Variants in PIWIL2 observed in about 807,000 individuals in gnomAD.
PIWIL2 encodes piwi like RNA-mediated gene silencing 2.
PIWIL2 carries 81 observed loss-of-function variants against 116.5 expected under a neutral mutation model. The observed-to-expected ratio is 0.70, with a 90% CI of 0.58 to 0.84. The LOEUF (loss-of-function observed/expected upper bound fraction) is 0.84. Among genes scored for constraint, PIWIL2 ranks in the 40% least tolerant of loss-of-function variants. The pLI is 0.00. For missense variants in PIWIL2, 1,272 were observed against 1,212.3 expected (o/e 1.05, Z -0.73); for synonymous variants, 489 against 429.5 (o/e 1.14, Z -1.71).
chr8:22,294,469 G>A (rs201924369), intron 10 of PIWIL2, among the ~76,000 whole-genome samples: 10 of 150,356 alleles, frequency 6.7e-5, no homozygotes, highest in East Asian at 2.0e-4. Context: ...GTGAAACCCC[G>A]TCTCTACTAA....
chr8:22,300,744 G>A (rs1321724939), intron 10 of PIWIL2, among the ~76,000 whole-genome samples: 2 of 152,114 alleles, frequency 1.3e-5, no homozygotes, highest in African/African-American at 4.8e-5. Flanking sequence ...TTTTCCTAGT[G>A]AATAATGATG....
intron 5 of PIWIL2, among the ~76,000 whole-genome samples, chr8:22,283,754 A>T (rs1178415747): frequency 6.6e-6 from 1 of 152,216 alleles, no homozygotes; most frequent in Non-Finnish European, 1.5e-5. Flanking sequence ...CAGTGGACAT[A>T]TAGCATGCAA....
chr8:22,313,696 G>A lies in PIWIL2; in HGVS notation c.1990-632G>A, dbSNP rs182640231. Among the ~76,000 whole-genome samples, 3 of 152,166 alleles carry A rather than the reference G, an allele frequency of 2.0e-5. No homozygotes were observed. In the East Asian group the frequency reaches 5.8e-4, roughly 29 times the overall value. The stretch of plus-strand genomic sequence containing the variant: ...GGCAACCTTCTTTCACTTGAGTGCT[G>A]CTTTTCTTTATTCAGGCTTTGAAAG... On this transcript the variant is annotated intron_variant, in intron 16 of 22. Coordinates refer to ENST00000356766, the MANE Select transcript of PIWIL2 (RefSeq NM_018068.5).
rs1168661333 is a variant in PIWIL2, at chr8:22,316,341, C to G, written c.2297+8C>G. 2 of 1,537,158 alleles carry G rather than the reference C, an allele frequency of 1.3e-6. No individual in the cohort carries two copies. The highest frequency in any genetic ancestry group is 1.8e-6 in the Non-Finnish European group (2 of 1,109,528). ...CGTGGCAAGCATCAATCTGTAAGTA[C>G]TGCTCACAGTGCCATCTTGTTTGAT... is the stretch of plus-strand genomic sequence containing the variant. On this transcript the variant is annotated splice_region_variant and intron_variant, in intron 19 of 22. Coordinates refer to ENST00000356766, the MANE Select transcript of PIWIL2 (RefSeq NM_018068.5).
chr8:22,277,933 C>A (rs148120593), intron 1 of PIWIL2, among the ~76,000 whole-genome samples: 2 of 152,064 alleles, frequency 1.3e-5, no homozygotes, highest in Admixed American at 6.5e-5. Context: ...CTTTGGGAGG[C>A]CCAGGTGGGC....
chr8:22,354,290 G>A lies in PIWIL2; in HGVS notation c.2677G>A (p.Ala893Thr). The change falls in exon 22 of 23, where the codon GCC becomes ACC. Residue 893 changes from alanine to threonine, a missense_variant. By Grantham distance (58) the Ala-to-Thr change is moderately conservative. Coordinates refer to ENST00000356766, the MANE Select transcript of PIWIL2 (RefSeq NM_018068.5). ...SCEWVDFYLL[A>T]HHVRQGCGIP... ...TCCTAGGGTGGATTTCTATCTTCTT[G>A]CCCATCATGTACGGCAGGGCTGTGG... The A allele has an allele frequency of 6.2e-7, 1 of 1,612,400 alleles. No individual in the cohort carries two copies. The highest frequency in any genetic ancestry group is 8.5e-7 in the Non-Finnish European group (1 of 1,178,548).
At chr8:22,344,818 G>A (rs1256897502) in intron 20 of PIWIL2, among the ~76,000 whole-genome samples, 1 of 152,212 alleles carries the variant, frequency 6.6e-6, no homozygotes, top group Non-Finnish European at 1.5e-5. Flanking sequence ...CAAGGCTGCA[G>A]TGAGCCGTGA....
chr8:22,326,031 A>G (rs146341089), intron 20 of PIWIL2, among the ~76,000 whole-genome samples: 1,637 of 152,258 alleles, frequency 0.011, 43 homozygotes, highest in African/African-American at 0.037. Context: ...CAAGAGGAAC[A>G]TGTAGAATAG....
chr8:22,337,756 T>TA (rs1459435864), intron 20 of PIWIL2, among the ~76,000 whole-genome samples: 1 of 151,284 alleles, frequency 6.6e-6, no homozygotes, highest in Non-Finnish European at 1.5e-5. Context: ...AATAAATAAA[T>TA]AATAATACTA....
chr8:22,350,106 G>C (rs1394541721), intron 20 of PIWIL2, among the ~76,000 whole-genome samples: 1 of 152,158 alleles, frequency 6.6e-6, no homozygotes, highest in African/African-American at 2.4e-5. Context: ...GCAGTGCACA[G>C]GACAGCCCTC....
intron 20 of PIWIL2, among the ~76,000 whole-genome samples, chr8:22,325,927 C>G (rs79875631): frequency 0.049 from 7,531 of 152,270 alleles, 290 homozygotes; most frequent in Admixed American, 0.085. Context: ...ACTTGCCAGC[C>G]AAGTGCAGAG....
At chr8:22,323,174 G>C (rs1320326878) in intron 20 of PIWIL2, among the ~76,000 whole-genome samples, 1 of 119,386 alleles carries the variant, frequency 8.4e-6, no homozygotes, top group African/African-American at 3.4e-5. Flanking sequence ...TTGAGACAGA[G>C]TCTTGCTCTG....
chr8:22,315,072 G>A lies in PIWIL2; in HGVS notation c.2135G>A (p.Ser712Asn), dbSNP rs754570724. 3 of 1,613,948 alleles carry A rather than the reference G, an allele frequency of 1.9e-6. No individual in the cohort carries two copies. The highest frequency in any genetic ancestry group is 2.2e-5 in the East Asian group (1 of 44,876). Residue 712 changes from serine to asparagine, a missense_variant, in exon 18 of 23, where the codon AGT (serine) becomes AAT (asparagine). Transcript: ENST00000356766. ...ATTGGTCAGCCCACCAGGCTTCGGA[G>A]TGTGGCCCAGAAGATTTTACTTCAG... ...RTIGQPTRLR[S>N]VAQKILLQIN...
At chr8:22,282,074 C>CT (rs397963368) in intron 4 of PIWIL2, among the ~76,000 whole-genome samples, 41,300 of 88,712 alleles carry the variant, frequency 0.47, 10,584 homozygotes, top group East Asian at 0.83. Flanking sequence ...TGTGCGTGGA[C>CT]TTTTTTTTTT....
At chr8:22,294,900 GAAAAAAAAAAAAAAAA>G (rs57742067) in intron 10 of PIWIL2, among the ~76,000 whole-genome samples, 7 of 93,650 alleles carry the variant, frequency 7.5e-5, no homozygotes, top group Non-Finnish European at 1.5e-4. Context: ...ATCTTTACTG[GAAAAAAAAAAAAAAAA>G]AAAAAAAAAA....
chr8:22,277,812 ACAAAG>A (rs1476869390), intron 1 of PIWIL2, among the ~76,000 whole-genome samples: 1 of 152,246 alleles, frequency 6.6e-6, no homozygotes, highest in Non-Finnish European at 1.5e-5. Flanking sequence ...GAGGCCAAAA[ACAAAG>A]CAAAAACCCA....
In PIWIL2 at chr8:22,281,156, G is replaced by A. The variant is rs747638429; in HGVS notation, c.235G>A (p.Gly79Ser). Residue 79 changes from glycine (G) to serine (S), a missense_variant, in exon 3 of 23, where the codon GGC (glycine) becomes AGC (serine). Coordinates refer to ENST00000356766, the MANE Select transcript of PIWIL2 (RefSeq NM_018068.5). The stretch of plus-strand genomic sequence containing the variant: ...TTTGGTCTCCATGTTCCGAGGCCTG[G>A]GCATTGAAACAGTTTCTAAGACCCC... ...VGLVSMFRGL[G>S]IETVSKTPLK... 2 of 1,612,908 alleles carry A rather than the reference G, an allele frequency of 1.2e-6. No homozygotes were observed. The highest frequency in any genetic ancestry group is 8.5e-7 in the Non-Finnish European group (1 of 1,179,578).
intron 10 of PIWIL2, among the ~76,000 whole-genome samples, chr8:22,296,787 ACTATTCTATATGAGATTATTTTC>A (rs1830917557): frequency 6.6e-6 from 1 of 152,020 alleles, no homozygotes; most frequent in African/African-American, 2.4e-5. Context: ...TGCATCCCTC[ACTATTCTATATGAGATTATTTTC>A]CCTTTGCCTG....
chr8:22,339,336 T>C (rs569062488), intron 20 of PIWIL2, among the ~76,000 whole-genome samples: 14 of 151,958 alleles, frequency 9.2e-5, no homozygotes, highest in Admixed American at 3.3e-4. Context: ...TGAAACCCCA[T>C]CTCTACTAAA....
Sources: allele counts gnomAD v4.1 joint callset (sites outside exome capture counted in the v4.1 genomes callset), GRCh38; gene constraint gnomAD v4.1.1; transcripts MANE v1.5; gene names NCBI Gene and HGNC (gene_info 2026-07-23, HGNC 2026-07-21).